The following ADAP1 variants were observed in gnomAD, a reference collection of about 807,000 sequenced individuals.
The protein encoded by ADAP1 is ArfGAP with dual PH domains 1.
ADAP1 carries 31 observed loss-of-function variants against 54.9 expected under a neutral mutation model. The observed-to-expected ratio is 0.56, with a 90% confidence interval of 0.42 to 0.76. ADAP1 has a LOEUF of 0.76. ADAP1 is among the 30% of genes least tolerant of loss of function. The pLI, the probability that ADAP1 is intolerant of heterozygous loss-of-function variation, is 0.00. For missense variants in ADAP1, 535 were observed against 512.4 expected, an observed-to-expected ratio of 1.04 and a Z score of -0.42; for synonymous variants, 313 against 202.6, an observed-to-expected ratio of 1.55 and a Z score of -4.63.
At chr7:929,140 A>C (rs1324816684) in intron 2 of ADAP1, among the ~76,000 whole-genome samples, 2 of 152,024 alleles carry the variant, frequency 1.3e-5, no homozygotes, top group Non-Finnish European at 2.9e-5. Context: ...GAAAATACAA[A>C]AATTAGCCGG....
intron 3 of ADAP1, among the ~76,000 whole-genome samples, chr7:924,261 G>A: frequency 1.3e-5 from 1 of 74,382 alleles, no homozygotes; most frequent in South Asian, 5.0e-4. Flanking sequence ...CCGCCCTCCA[G>A]GTCCACACTG....
chr7:954,565 G>A lies in ADAP1; in HGVS notation c.-88C>T. The A allele has an allele frequency of 3.0e-6, 3 of 988,296 alleles. No homozygotes were observed. The highest frequency in any genetic ancestry group is 3.6e-6 in the Non-Finnish European group (3 of 833,204). The allele number at this position is 988,296 out of a possible 1,614,324, so 61.2% of individuals were successfully genotyped here. On this transcript the variant is annotated 5_prime_UTR_variant, in exon 1 of 11. Coordinates refer to ENST00000265846, the MANE Select transcript of ADAP1 (RefSeq NM_006869.4). ...TAGGGCCCCGCGCAGGCCGCCCGCCGCCGCCGCCCCTGCGCCATCCCGGGC... is the reference window on the plus strand; with the variant it reads ...TAGGGCCCCGCGCAGGCCGCCCGCCACCGCCGCCCCTGCGCCATCCCGGGC...
chr7:928,746 C>G (rs572875511), intron 2 of ADAP1, among the ~76,000 whole-genome samples: 1 of 152,206 alleles, frequency 6.6e-6, no homozygotes, highest in Non-Finnish European at 1.5e-5. Context: ...AGCCCCCGCA[C>G]GCTGCTGGTG....
At chr7:901,622 C>G (rs1389073935) in intron 6 of ADAP1, among the ~76,000 whole-genome samples, 1 of 152,032 alleles carries the variant, frequency 6.6e-6, no homozygotes, top group Non-Finnish European at 1.5e-5. Context: ...TCCAGTGGCC[C>G]CACCCAGCAA....
chr7:920,992 G>A lies in ADAP1; in HGVS notation c.306-942C>T. On this transcript the variant is annotated intron_variant, in intron 3 of 10. Transcript: ENST00000265846. The surrounding 1 kb of genome is among the most constrained non-coding windows in gnomAD (Gnocchi z 4.5). The stretch of plus-strand genomic sequence containing the variant: ...TCGCCCACAGGATCTGATGGGTGAT[G>A]GGTCCCAGCTGGGTCTCTGGCCCCT... The A allele has an allele frequency of 2.3e-6, 2 of 881,360 alleles. No homozygotes were observed. The highest frequency in any genetic ancestry group is 3.5e-6 in the Non-Finnish European group (2 of 572,254). The allele number at this position is 881,360 out of a possible 1,614,324, so 54.6% of individuals were successfully genotyped here.
Position 926,496 on chromosome 7 carries a change from C to T in ADAP1, c.305+57G>A. The T allele has an allele frequency of 6.9e-7, 1 of 1,439,370 alleles. No homozygotes were observed. The highest frequency in any genetic ancestry group is 9.2e-7 in the Non-Finnish European group (1 of 1,083,924). The allele number at this position is 1,439,370 out of a possible 1,614,324, so 89.2% of individuals were successfully genotyped here. On this transcript the variant is annotated intron_variant, in intron 3 of 10. Transcript: ENST00000265846. The surrounding 1 kb of genome is among the most constrained non-coding windows in gnomAD (Gnocchi z 4.6). ...CCACCCTGCCGGGTCCTCCCGGGGC[C>T]ATCTCGGAGCCACCCAGCACTTGAC...
chr7:924,898 C>T (rs768993793), intron 3 of ADAP1, among the ~76,000 whole-genome samples: 5 of 152,120 alleles, frequency 3.3e-5, no homozygotes, highest in Admixed American at 1.3e-4. Context: ...ACCGAGAGCC[C>T]GGGGCACGGC....
At chr7:908,838 A>G (rs1845587288) in intron 4 of ADAP1, among the ~76,000 whole-genome samples, 1 of 152,178 alleles carries the variant, frequency 6.6e-6, no homozygotes, top group South Asian at 2.1e-4. Flanking sequence ...CGTGTCACCA[A>G]TGCAGACGAC....
rs886275904 is a variant in ADAP1 at position 926,400 on chromosome 7, C to T, written c.305+153G>A. Among the ~76,000 whole-genome samples the T allele has an allele frequency of 1.5e-5, 2 of 136,950 alleles. No individual in the cohort carries two copies. Among genetic ancestry groups the T allele is most frequent in the Admixed American group, 7.2e-5 (1 of 13,828 alleles). 89.8% of individuals were successfully genotyped at this position (136,950 alleles called of 152,430 possible). On this transcript the variant is annotated intron_variant, in intron 3 of 10. Coordinates refer to ENST00000265846, the MANE Select transcript of ADAP1 (RefSeq NM_006869.4). The surrounding 1 kb of genome is among the most constrained non-coding windows in gnomAD (Gnocchi z 4.6). ...CCCGGTGGTGGCCAGCAGACACAGG[C>T]GGCACCTCGGGGTCTGGGGGACGCA...
chr7:905,581 A>AGAAAGGAGAAAGGAGAAAGGAGAAAGG (rs1562912350), intron 4 of ADAP1: 1 of 18,788 alleles, frequency 5.3e-5, no homozygotes, highest in Non-Finnish European at 7.9e-5. Context: ...AGGAGAAAGG[A>AGAAAGGAGAAAGGAGAAAGGAGAAAGG]GAAAGGAGAA....
chr7:899,182 G>A lies in ADAP1; in HGVS notation c.947C>T (p.Thr316Ile). The A allele has an allele frequency of 3.1e-6, 5 of 1,612,206 alleles. No homozygotes were observed. Among genetic ancestry groups the A allele is most frequent in the East Asian group, 4.5e-5 (2 of 44,894 alleles). ...YTVLHGFPPSTQGHHWPHGIT... is the reference protein window; with the variant it reads ...YTVLHGFPPSIQGHHWPHGIT... ...GCCATGTGGCCAGTGGTGGCCCTGG[G>A]TGGACGGCGGGAACCCATGCAGCAC... The change falls in exon 10 of 11, where the codon ACC becomes ATC. Residue 316 changes from threonine (T) to isoleucine (I), a missense_variant. Coordinates refer to ENST00000265846, the MANE Select transcript of ADAP1 (RefSeq NM_006869.4).
intron 3 of ADAP1, among the ~76,000 whole-genome samples, chr7:921,972 G>C (rs1342539431): frequency 1.3e-5 from 2 of 152,216 alleles, no homozygotes; most frequent in Non-Finnish European, 2.9e-5. Flanking sequence ...GGGCATCCCA[G>C]GGCCTGGCAC....
rs547303642 is a variant in ADAP1 at position 946,061 on chromosome 7, G to A, written c.82+8335C>T. Among the ~76,000 whole-genome samples, 3 of 152,324 alleles carry A rather than the reference G, an allele frequency of 2.0e-5. No homozygotes were observed. The highest frequency in any genetic ancestry group is 2.0e-4 in the Admixed American group (3 of 15,310). Reference sequence around the variant, plus strand: ...ACGCAAGGGGCAGCCGAGGTGGGAGGGTGCCCTTGTGGGAGGGGCTCCGGT... The same window carrying A: ...ACGCAAGGGGCAGCCGAGGTGGGAGAGTGCCCTTGTGGGAGGGGCTCCGGT... On this transcript the variant is annotated intron_variant, in intron 1 of 10. Coordinates refer to ENST00000265846, the MANE Select transcript of ADAP1 (RefSeq NM_006869.4). This position sits in a 1 kb window ranked among gnomAD's most constrained non-coding sequence, Gnocchi z 4.3.
chr7:907,574 C>T (rs1845525328), intron 4 of ADAP1, among the ~76,000 whole-genome samples: 1 of 152,204 alleles, frequency 6.6e-6, no homozygotes, highest in African/African-American at 2.4e-5. Flanking sequence ...TCCCATCCCC[C>T]CCAGGCCCCG....
intron 6 of ADAP1, chr7:901,506 G>A (rs1379529107): frequency 6.1e-6 from 1 of 163,858 alleles, no homozygotes; most frequent in Non-Finnish European, 1.3e-5. Flanking sequence ...CCCCAGCACT[G>A]GACCAATCCA....
chr7:904,963 G>GC (rs1284204726), intron 5 of ADAP1, 97 bp downstream of exon 5: 1 of 1,044,138 alleles, frequency 9.6e-7, no homozygotes, highest in African/African-American at 1.6e-5. Context: ...AGCAGGGAGG[G>GC]CAGCTGCGGA....
intron 6 of ADAP1, among the ~76,000 whole-genome samples, chr7:902,597 G>C (rs1041430072): frequency 1.3e-5 from 2 of 151,670 alleles, no homozygotes; most frequent in African/African-American, 4.9e-5. Flanking sequence ...AAATTTCCCA[G>C]AAAGTAGAAG....
At chr7:941,484 A>C (rs1021807589) in intron 1 of ADAP1, among the ~76,000 whole-genome samples, 1 of 152,240 alleles carries the variant, frequency 6.6e-6, no homozygotes, top group Non-Finnish European at 1.5e-5. Flanking sequence ...TAAATATACA[A>C]AAATCTATTG....
chr7:940,148 C>T (rs1846902997), intron 1 of ADAP1, among the ~76,000 whole-genome samples: 1 of 152,046 alleles, frequency 6.6e-6, no homozygotes, highest in African/African-American at 2.4e-5. Flanking sequence ...GAACAGCCTA[C>T]TGGGGAGGGC....
Sources: gnomAD v4.1 joint callset for allele counts (sites outside exome capture counted in the v4.1 genomes callset) on GRCh38, gnomAD v4.1.1 for gene constraint, Gnocchi (gnomAD v3.1) non-coding constraint, MANE v1.5 for transcripts, NCBI Gene and HGNC (gene_info 2026-07-23, HGNC 2026-07-21) for gene names.